Variants in NTPCR observed in about 807,000 individuals in gnomAD.
NTPCR encodes nucleoside-triphosphatase, cancer-related.
NTPCR carries 15 observed loss-of-function variants against 19.5 expected under a neutral mutation model. The ratio of observed to expected loss-of-function variants is 0.77; its 90% CI spans 0.51 to 1.18. NTPCR has a LOEUF of 1.18. Ranked by LOEUF, NTPCR falls within the 50% of genes most tolerant of loss-of-function variation. The pLI, the probability that NTPCR is intolerant of heterozygous loss-of-function variation, is 0.00. For missense variants in NTPCR, 206 were observed against 240.4 expected, an observed-to-expected ratio of 0.86 and a Z score of 0.95; for synonymous variants, 90 against 95.8, an observed-to-expected ratio of 0.94 and a Z score of 0.36.
chr1:232,969,487 G>A (rs1033143057), intron 3 of NTPCR: 19 of 181,744 alleles, frequency 1.0e-4, no homozygotes, highest in Admixed American at 2.1e-4. Context: ...CTAGGTAGAT[G>A]TTTGTGTATT....
At position 232,981,226 on chromosome 1, in the gene NTPCR, G is replaced by A. The variant is rs952808027; in HGVS notation, c.*2995G>A. On this transcript the variant is annotated 3_prime_UTR_variant, in exon 5 of 5. Coordinates refer to ENST00000366628, the MANE Select transcript of NTPCR (RefSeq NM_032324.3). ...GATGGGTGAGTCTTTTAAATGGATAGTGTCATCTCTGATGATCAGCCTTGA... is the reference window on the plus strand; with the variant it reads ...GATGGGTGAGTCTTTTAAATGGATAATGTCATCTCTGATGATCAGCCTTGA... The A allele has an allele frequency of 3.9e-5, 6 of 152,196 alleles. No individual in the cohort carries two copies. Among genetic ancestry groups the A allele is most frequent in the Admixed American group, 2.0e-4 (3 of 15,278 alleles). The allele number at this position is 152,196 out of a possible 1,614,324, so 9.4% of individuals were successfully genotyped here. A position where few individuals can be genotyped will look rare whatever the true frequency, so the allele number is the denominator to read the frequency against.
intron 4 of NTPCR, among the ~76,000 whole-genome samples, chr1:232,972,625 C>T (rs974724750): frequency 4.0e-5 from 6 of 151,398 alleles, no homozygotes; most frequent in African/African-American, 1.5e-4. Context: ...GGGGTTTCAC[C>T]ATGTTGCCCG....
rs1036751554 is a variant in NTPCR, at chr1:232,950,618, T to G, written c.-93T>G. 1.1e-4 allele frequency: 107 copies of G among 1,013,726 alleles called. No individual in the cohort carries two copies. The highest frequency in any genetic ancestry group is 3.0e-4 in the Admixed American group (16 of 54,188). The allele number at this position is 1,013,726 out of a possible 1,614,324, so 62.8% of individuals were successfully genotyped here. A position where few individuals can be genotyped will look rare whatever the true frequency, so the allele number is the denominator to read the frequency against. ...GGGCCTGCGACACGCGGTGGGCGGG[T>G]CCTGAGTCGCGACCCTGGTCCGGAC... On this transcript the variant is annotated 5_prime_UTR_variant, in exon 1 of 5. Coordinates refer to ENST00000366628, the MANE Select transcript of NTPCR (RefSeq NM_032324.3).
chr1:232,965,254 A>C (rs1164663749), intron 3 of NTPCR: 1 of 152,202 alleles, frequency 6.6e-6, no homozygotes, highest in Non-Finnish European at 1.5e-5. Context: ...CCTAGATGCT[A>C]TTCTTTATTT....
At chr1:232,953,838 T>A (rs1386725978) in intron 1 of NTPCR, among the ~76,000 whole-genome samples, 1 of 152,240 alleles carries the variant, frequency 6.6e-6, no homozygotes, top group African/African-American at 2.4e-5. Context: ...TGCTAATAAA[T>A]ACATATAAGC....
At chr1:232,965,429 A>G (rs1261579789) in intron 3 of NTPCR, 1 of 152,258 alleles carries the variant, frequency 6.6e-6, no homozygotes, top group Non-Finnish European at 1.5e-5. Context: ...AGATGCTGTT[A>G]CCTGCTATGT....
intron 3 of NTPCR, among the ~76,000 whole-genome samples, chr1:232,961,079 G>T (rs983562731): frequency 6.6e-6 from 1 of 152,132 alleles, no homozygotes; most frequent in Admixed American, 6.5e-5. Context: ...ACATGGGAAT[G>T]GTCTCACAAC....
chr1:232,955,027 T>C (rs551915354), intron 1 of NTPCR, among the ~76,000 whole-genome samples: 3 of 152,202 alleles, frequency 2.0e-5, no homozygotes, highest in Non-Finnish European at 4.4e-5. Flanking sequence ...ACAGGGATGC[T>C]AATGATATTT....
At chr1:232,971,205 G>A (rs1668966065) in intron 4 of NTPCR, among the ~76,000 whole-genome samples, 1 of 152,046 alleles carries the variant, frequency 6.6e-6, no homozygotes, top group South Asian at 2.1e-4. Flanking sequence ...TGGTAGCTGT[G>A]CTCTTGGCTG....
intron 4 of NTPCR, among the ~76,000 whole-genome samples, chr1:232,977,865 G>A (rs1009181761): frequency 6.6e-6 from 1 of 152,112 alleles, no homozygotes; most frequent in Admixed American, 6.5e-5. Context: ...CCCATCATCC[G>A]TCCCGGTGTG....
chr1:232,978,106 C>A, intron 4 of NTPCR, 57 bp from the exon 5 acceptor site: 2 of 1,454,288 alleles, frequency 1.4e-6, no homozygotes, highest in Non-Finnish European at 1.9e-6. Context: ...TTACCTAGCA[C>A]AAGATTGAAG....
intron 4 of NTPCR, 42 bp downstream of exon 4, chr1:232,970,160 G>T (rs1312878084): frequency 6.0e-6 from 9 of 1,502,718 alleles, no homozygotes; most frequent in Non-Finnish European, 8.3e-6. Context: ...AAATGGAGCA[G>T]ATGATCTAAA....
intron 3 of NTPCR, chr1:232,966,293 C>T (rs1668815350): frequency 6.6e-6 from 1 of 152,148 alleles, no homozygotes; most frequent in Non-Finnish European, 1.5e-5. Flanking sequence ...CATGACTTTC[C>T]ATACTTGCTG....
chr1:232,974,043 A>G (rs1669058833), intron 4 of NTPCR, among the ~76,000 whole-genome samples: 1 of 152,242 alleles, frequency 6.6e-6, no homozygotes, highest in Non-Finnish European at 1.5e-5. Flanking sequence ...TTGGCAAAAG[A>G]CATAAACCTA....
At chr1:232,957,415 G>A (rs1668543620) in intron 3 of NTPCR, among the ~76,000 whole-genome samples, 1 of 152,014 alleles carries the variant, frequency 6.6e-6, no homozygotes, top group African/African-American at 2.4e-5. Context: ...ATCAGTTGTG[G>A]TAATTTGTAC....
At chr1:232,972,035 T>A (rs1309988088) in intron 4 of NTPCR, among the ~76,000 whole-genome samples, 1 of 152,184 alleles carries the variant, frequency 6.6e-6, no homozygotes, top group East Asian at 1.9e-4. Flanking sequence ...ACTAATCTAA[T>A]CTAACAGTCC....
intron 3 of NTPCR, chr1:232,968,341 T>C (rs1282764288): frequency 6.6e-6 from 1 of 152,228 alleles, no homozygotes; most frequent in East Asian, 1.9e-4. Context: ...CAATATGCAG[T>C]AGGAAAATAG....
In NTPCR at chr1:232,981,544, A is replaced by G. The variant is rs1205549164; in HGVS notation, c.*3313A>G. On this transcript the variant is annotated 3_prime_UTR_variant, in exon 5 of 5. Transcript: ENST00000366628. ...TGCATTGCACATTTTGTGGGCAAAG[A>G]AGTTGAAGCATCGCATGATTTTAAC... is the stretch of plus-strand genomic sequence containing the variant. 1 of 152,214 alleles carries G rather than the reference A, an allele frequency of 6.6e-6. No individual in the cohort carries two copies. Among genetic ancestry groups the G allele is most frequent in the Admixed American group, 6.5e-5 (1 of 15,282 alleles). The allele number at this position is 152,214 out of a possible 1,614,324, so 9.4% of individuals were successfully genotyped here. A position where few individuals can be genotyped will look rare whatever the true frequency, so the allele number is the denominator to read the frequency against.
At chr1:232,958,052 T>G (rs191799244) in intron 3 of NTPCR, among the ~76,000 whole-genome samples, 6 of 152,174 alleles carry the variant, frequency 3.9e-5, no homozygotes, top group African/African-American at 1.2e-4. Flanking sequence ...AGAAGGTAAG[T>G]TTGGTGAGGT....
Sources: gnomAD v4.1 joint callset for allele counts (sites outside exome capture counted in the v4.1 genomes callset) on GRCh38, gnomAD v4.1.1 for gene constraint, MANE v1.5 for transcripts, NCBI Gene and HGNC (gene_info 2026-07-23, HGNC 2026-07-21) for gene names.